The following TENM2 variants were observed in gnomAD, a reference collection of about 807,000 sequenced individuals.
TENM2 encodes teneurin-2.
In TENM2, 52 loss-of-function variants were observed where a neutral mutation model predicts 245.2. The ratio of observed to expected loss-of-function variants is 0.21; its 90% CI spans 0.17 to 0.27. The LOEUF (loss-of-function observed/expected upper bound fraction) is 0.27, where lower values mean the gene tolerates loss of function less well. TENM2 is among the 10% of genes least tolerant of loss of function. The pLI is 1.00. For synonymous variants in TENM2, 1,363 were observed against 1,438.9 expected (o/e 0.95, Z 1.19); for missense variants, 3,046 against 3,666.8 (o/e 0.83, Z 4.37).
chr5:167,625,271 G>A (rs549642922), intron 2 of TENM2, among the ~76,000 whole-genome samples: 42 of 152,230 alleles, frequency 2.8e-4, no homozygotes, highest in African/African-American at 8.9e-4. Flanking sequence ...TTACCAATAC[G>A]TTTAATTTTA....
upstream of TENM2, among the ~76,000 whole-genome samples, chr5:167,281,800 A>G (rs1304893700): frequency 6.6e-6 from 1 of 152,044 alleles, no homozygotes; most frequent in African/African-American, 2.4e-5. Flanking sequence ...GGAGTTCAAG[A>G]CCAGCCTGGC....
chr5:167,320,409 G>A (rs1211958440), intron 1 of TENM2, among the ~76,000 whole-genome samples: 5 of 152,170 alleles, frequency 3.3e-5, no homozygotes, highest in Admixed American at 6.5e-5. Flanking sequence ...GATTCTACAG[G>A]TAAATCCTGA....
intron 2 of TENM2, among the ~76,000 whole-genome samples, chr5:167,867,757 A>T (rs1319081701): frequency 6.6e-6 from 1 of 152,220 alleles, no homozygotes; most frequent in Non-Finnish European, 1.5e-5. Context: ...CCTAAAACTG[A>T]GGTGGAACAT....
chr5:168,199,725 CA>C, intron 16 of TENM2, 138 bp from the exon 19 acceptor site: 2 of 810,880 alleles, frequency 2.5e-6, no homozygotes, highest in Non-Finnish European at 3.9e-6. Context: ...TTTTCTTTCT[CA>C]GTGGTGGTAA....
At chr5:167,736,628 A>T (rs1455964274) in intron 2 of TENM2, among the ~76,000 whole-genome samples, 1 of 151,870 alleles carries the variant, frequency 6.6e-6, no homozygotes, top group Non-Finnish European at 1.5e-5. Flanking sequence ...CTCGACTCTA[A>T]TAAATGTGTT....
rs112594949 is a variant in TENM2 at position 168,168,294 on chromosome 5, C to T, written c.2569+5537C>T. ...GCTCACCCAGCCTAATGTCATAGTG[C>T]TTATACCCCAAACCCTTTCCCCTAA... On this transcript the variant is annotated intron_variant, in intron 13 of 28. Coordinates refer to ENST00000518659, the Ensembl canonical transcript of TENM2. Among the ~76,000 whole-genome samples the T allele has an allele frequency of 2.0e-5, 3 of 152,226 alleles. No individual in the cohort carries two copies. The East Asian group carries it at 5.8e-4, about 29-fold the overall frequency.
chr5:167,993,006 AC>A lies in TENM2; in HGVS notation c.1013del (p.Pro338LeufsTer2). ...TTGTTCAGCAGCTCTTCCCCGGGAT[AC>A]CCTTTGACCTCAGGAACGGTTTACA... On this transcript the variant is annotated frameshift_variant, in exon 5 of 29. Transcript: ENST00000518659. LOFTEE classifies it high-confidence loss of function. 6.2e-7 allele frequency: 1 copy of A among 1,613,678 alleles called. No individual in the cohort carries two copies.
chr5:167,660,147 G>A (rs1202622703), intron 2 of TENM2: 1 of 152,016 alleles, frequency 6.6e-6, no homozygotes, highest in Non-Finnish European at 1.5e-5. Flanking sequence ...TCCTTAAAGG[G>A]AGGGCTGTAG....
chr5:167,387,395 G>C (rs2127352943), intron 2 of TENM2, among the ~76,000 whole-genome samples: 1 of 152,066 alleles, frequency 6.6e-6, no homozygotes, highest in South Asian at 2.1e-4. Context: ...TTGAATTCTT[G>C]GATCAGTTCT....
rs113675662 is a variant in TENM2, at chr5:167,618,464, A to G, written c.502+242991A>G. Among the ~76,000 whole-genome samples the G allele has an allele frequency of 8.7e-3, 1,324 of 152,010 alleles. 9 individuals are homozygous for G. The highest frequency in any genetic ancestry group is 0.014 in the Non-Finnish European group (954 of 67,976). ...TCTTCCTGGACCTGCTTCCATATAC[A>G]CTTATTCATTTTGTCTTCACCGGAC... On this transcript the variant is annotated intron_variant, in intron 2 of 28. Coordinates refer to ENST00000518659, the Ensembl canonical transcript of TENM2.
At chr5:167,180,934 G>C in the TENM2 span, among the ~76,000 whole-genome samples, 539 of 149,934 alleles carry the variant, frequency 3.6e-3, 6 homozygotes, top group African/African-American at 0.013. Context: ...CACGCTGGCT[G>C]TAGCTTTTAT....
chr5:167,342,573 TGC>T (rs2127818387), intron 1 of TENM2, among the ~76,000 whole-genome samples: 1 of 126,976 alleles, frequency 7.9e-6, no homozygotes, highest in South Asian at 2.8e-4. Flanking sequence ...CAGGCCGGAC[TGC>T]GGACTGCAGT....
chr5:167,651,858 G>T (rs1754491704), intron 2 of TENM2, among the ~76,000 whole-genome samples: 1 of 152,074 alleles, frequency 6.6e-6, no homozygotes, highest in South Asian at 2.1e-4. Context: ...AAGAAATTCT[G>T]GTCACTGCAA....
intron 5 of TENM2, among the ~76,000 whole-genome samples, chr5:168,036,091 C>G (rs1787638403): frequency 6.6e-6 from 1 of 152,132 alleles, no homozygotes; most frequent in South Asian, 2.1e-4. Flanking sequence ...CCAGCCCCTA[C>G]CTGGGAGATG....
rs549286689 is a variant in TENM2, at chr5:167,918,327, A to G, written c.713-34261A>G. Among the ~76,000 whole-genome samples the G allele has an allele frequency of 9.8e-5, 15 of 152,332 alleles. No homozygotes were observed. The East Asian group carries it at 2.9e-3, about 29-fold the overall frequency. ...TGACTGGTTCCCTGGGGCCCACTGC[A>G]TCAGGCTGACCATTCTGAGAATTAA... On this transcript the variant is annotated intron_variant, in intron 3 of 28. Coordinates refer to ENST00000518659, the Ensembl canonical transcript of TENM2.
chr5:167,231,347 T>C, the TENM2 span, among the ~76,000 whole-genome samples: 90 of 152,326 alleles, frequency 5.9e-4, 1 homozygote, highest in Admixed American at 3.7e-3. Flanking sequence ...ACTTGTTGAA[T>C]AGCTTTGACC....
At chr5:167,966,341 G>T (rs112831508) in intron 4 of TENM2, among the ~76,000 whole-genome samples, 1 of 152,152 alleles carries the variant, frequency 6.6e-6, no homozygotes, top group Non-Finnish European at 1.5e-5. Flanking sequence ...GGGAGAAAGC[G>T]CAACAGCCAT....
At chr5:167,071,408 G>A in the TENM2 span, among the ~76,000 whole-genome samples, 1 of 152,110 alleles carries the variant, frequency 6.6e-6, no homozygotes, top group Non-Finnish European at 1.5e-5. Flanking sequence ...AGGCTGCAGT[G>A]TTTCTAAGGA....
chr5:167,578,297 C>T lies in TENM2; in HGVS notation c.502+202824C>T, dbSNP rs191673425. Reference sequence around the variant, plus strand: ...AGTAGCCTATATCTTCCCCTTGTAGCAATGCTGTTGAGAACTCCTGGTCCA... The same window carrying T: ...AGTAGCCTATATCTTCCCCTTGTAGTAATGCTGTTGAGAACTCCTGGTCCA... On this transcript the variant is annotated intron_variant, in intron 2 of 28. Coordinates refer to ENST00000518659, the Ensembl canonical transcript of TENM2. Among the ~76,000 whole-genome samples the T allele has an allele frequency of 1.2e-3, 188 of 152,292 alleles. 1 individual carries two copies. The highest frequency in any genetic ancestry group is 4.4e-3 in the African/African-American group (181 of 41,548).
Sources: gnomAD v4.1 joint callset for allele counts (sites outside exome capture counted in the v4.1 genomes callset) on GRCh38, gnomAD v4.1.1 for gene constraint, MANE v1.5 for transcripts, NCBI Gene and HGNC (gene_info 2026-07-23, HGNC 2026-07-21) for gene names.